The following C1orf56 variants were observed in gnomAD, a reference collection of about 807,000 sequenced individuals.
C1orf56 encodes the protein chromosome 1 open reading frame 56.
A neutral mutation model predicts 20.7 loss-of-function variants in C1orf56; 14 were observed. The observed-to-expected ratio is 0.68, with a 90% CI of 0.45 to 1.06. The LOEUF (loss-of-function observed/expected upper bound fraction) is 1.06. Among genes scored for constraint, C1orf56 ranks in the 50% least tolerant of loss-of-function variants. The pLI, the probability that C1orf56 is intolerant of heterozygous loss-of-function variation, is 0.00. For synonymous variants in C1orf56, 187 were observed against 194.7 expected, an observed-to-expected ratio of 0.96 and a Z score of 0.33; for missense variants, 424 against 451.4, an observed-to-expected ratio of 0.94 and a Z score of 0.55.
In C1orf56 at chr1:151,048,061, G is replaced by A; in HGVS notation, c.214G>A (p.Ala72Thr). The change falls in exon 1 of 2, where the codon GCC (alanine) becomes ACC (threonine). Residue 72 changes from alanine (A) to threonine (T), a missense_variant. Ala to Thr is a moderately conservative substitution (Grantham distance 58, BLOSUM62 0). Coordinates refer to ENST00000368926, the MANE Select transcript of C1orf56 (RefSeq NM_017860.5). The surrounding 1 kb of genome is among the most constrained non-coding windows in gnomAD (Gnocchi z 4.8). ...CCTAGAGGACGAGAATGATGCCATG[G>A]CCGACGCCGACCGCCTGGCTGGACC... ...IILEDENDAM[A>T]DADRLAGPAA... The A allele has an allele frequency of 6.2e-7, 1 of 1,614,088 alleles. No homozygotes were observed. The highest frequency in any genetic ancestry group is 8.5e-7 in the Non-Finnish European group (1 of 1,180,000).
In C1orf56 at chr1:151,048,120, C is replaced by T; in HGVS notation, c.273C>T (p.Ser91=). The stretch of plus-strand genomic sequence containing the variant: ...CCGAGCTCTTGGCCGCCACGGTGTC[C>T]ACCGGCTTTAGCCGGTCGTCCGCCA... ...AAAELLAATV[S]TGFSRSSAIN... The change falls in exon 1 of 2, where the codon TCC becomes TCT. Residue 91 remains serine, a synonymous_variant. Coordinates refer to ENST00000368926, the MANE Select transcript of C1orf56 (RefSeq NM_017860.5). The surrounding 1 kb of genome is among the most constrained non-coding windows in gnomAD (Gnocchi z 4.8). The T allele has an allele frequency of 6.2e-7, 1 of 1,613,448 alleles. No homozygotes were observed. The highest frequency in any genetic ancestry group is 8.5e-7 in the Non-Finnish European group (1 of 1,180,006).
chr1:151,048,385 T>C lies in C1orf56; in HGVS notation c.538T>C (p.Ser180Pro). ...CCTGAGCCAGTGGTCCACACCTGGGTCTACCCCGAGCCGGTGGCCGTCACC... is the reference window on the plus strand; with the variant it reads ...CCTGAGCCAGTGGTCCACACCTGGGCCTACCCCGAGCCGGTGGCCGTCACC... ...ATLSQWSTPG[S>P]TPSRWPSPSP... Residue 180 changes from serine (S) to proline (P), a missense_variant, in exon 1 of 2, where the codon TCT becomes CCT. Transcript: ENST00000368926. The surrounding 1 kb of genome is among the most constrained non-coding windows in gnomAD (Gnocchi z 4.8). 6.2e-7 allele frequency: 1 copy of C among 1,612,628 alleles called. No homozygotes were observed. Among genetic ancestry groups the C allele is most frequent in the South Asian group, 1.1e-5 (1 of 91,082 alleles).
intron 1 of C1orf56, among the ~76,000 whole-genome samples, 159 bp from the exon 2 acceptor site, chr1:151,050,279 G>T (rs1329999367): frequency 6.6e-6 from 1 of 152,190 alleles, no homozygotes; most frequent in African/African-American, 2.4e-5. Flanking sequence ...TTTTCTCCTT[G>T]TGTGTCCAAT....
At chr1:151,049,361 C>T (rs769727535) in intron 1 of C1orf56, among the ~76,000 whole-genome samples, 2 of 151,930 alleles carry the variant, frequency 1.3e-5, no homozygotes, top group African/African-American at 2.4e-5. Flanking sequence ...AAGTGATCCA[C>T]CCGCCTCGGC....
At chr1:151,050,079 C>T (rs1158005846) in intron 1 of C1orf56, among the ~76,000 whole-genome samples, 2 of 152,178 alleles carry the variant, frequency 1.3e-5, no homozygotes, top group Non-Finnish European at 2.9e-5. Flanking sequence ...GACACCAGTG[C>T]CCACTCTCTT....
chr1:151,048,100 C>G lies in C1orf56; in HGVS notation c.253C>G (p.Leu85Val), dbSNP rs868752669. ...DRLAGPAAAELLAATVSTGFS... is the reference protein window; with the variant it reads ...DRLAGPAAAEVLAATVSTGFS... Reference sequence around the variant, plus strand: ...CCTGGCTGGACCAGCGGCTGCCGAGCTCTTGGCCGCCACGGTGTCCACCGG... The same window carrying G: ...CCTGGCTGGACCAGCGGCTGCCGAGGTCTTGGCCGCCACGGTGTCCACCGG... The change falls in exon 1 of 2, where the codon CTC becomes GTC. Residue 85 changes from leucine (L) to valine (V), a missense_variant. Transcript: ENST00000368926. This position sits in a 1 kb window ranked among gnomAD's most constrained non-coding sequence, Gnocchi z 4.8. The G allele has an allele frequency of 6.2e-7, 1 of 1,613,454 alleles. No homozygotes were observed.
rs1196398513 is a variant in C1orf56, at chr1:151,048,617, G to T, written c.770G>T (p.Arg257Leu). The T allele has an allele frequency of 6.2e-7, 1 of 1,614,110 alleles. No individual in the cohort carries two copies. Among genetic ancestry groups the T allele is most frequent in the Non-Finnish European group, 8.5e-7 (1 of 1,180,048 alleles). Residue 257 changes from arginine (R) to leucine (L), a missense_variant, in exon 1 of 2, where the codon CGA (arginine) becomes CTA (leucine). Transcript: ENST00000368926. The surrounding 1 kb of genome is among the most constrained non-coding windows in gnomAD (Gnocchi z 4.8). ...PCTYQQCPCN[R>L]LREECPLDTS... Reference sequence around the variant, plus strand: ...ACCTATCAACAATGTCCCTGCAACCGACTTCGGGAAGAGTGCCCCCTGGAC... The same window carrying T: ...ACCTATCAACAATGTCCCTGCAACCTACTTCGGGAAGAGTGCCCCCTGGAC...
rs1676164636 is a variant in C1orf56 at position 151,050,934 on chromosome 1, T to C, written c.*476T>C. The C allele has an allele frequency of 6.5e-6, 1 of 154,594 alleles. No homozygotes were observed. Among genetic ancestry groups the C allele is most frequent in the African/African-American group, 2.4e-5 (1 of 41,528 alleles). The allele number at this position is 154,594 out of a possible 1,614,324, so 9.6% of individuals were successfully genotyped here. A position where few individuals can be genotyped will look rare whatever the true frequency, so the allele number is the denominator to read the frequency against. On this transcript the variant is annotated 3_prime_UTR_variant, in exon 2 of 2. Transcript: ENST00000368926. ...CTTTCGAGGAGTTATCTTCATTAGC[T>C]ATATCCATCCTTTAATCCAACACAC... is the stretch of plus-strand genomic sequence containing the variant.
At position 151,047,910 on chromosome 1, in the gene C1orf56, G is replaced by A. The variant is rs1391617512; in HGVS notation, c.63G>A (p.Ala21=). The change falls in exon 1 of 2, where the codon GCG becomes GCA. Residue 21 remains alanine (A), a synonymous_variant. Coordinates refer to ENST00000368926, the MANE Select transcript of C1orf56 (RefSeq NM_017860.5). ...TGCTGAATCTGGGTCCCCGGGCGGCGGGGGCCCAAGGCCTGACCCAGACTC... is the reference window on the plus strand; with the variant it reads ...TGCTGAATCTGGGTCCCCGGGCGGCAGGGGCCCAAGGCCTGACCCAGACTC... ...VLLLNLGPRA[A]GAQGLTQTPT... 6.2e-7 allele frequency: 1 copy of A among 1,608,974 alleles called. No individual in the cohort carries two copies. The highest frequency in any genetic ancestry group is 8.5e-7 in the Non-Finnish European group (1 of 1,177,818).
At position 151,048,465 on chromosome 1, in the gene C1orf56, G is replaced by C. The variant is rs1676106793; in HGVS notation, c.618G>C (p.Trp206Cys). 6.2e-7 allele frequency: 1 copy of C among 1,608,312 alleles called. No homozygotes were observed. ...PEDLRLVLMPWGPWHCHCKSG... is the reference protein window; with the variant it reads ...PEDLRLVLMPCGPWHCHCKSG... ...ATCTGCGGCTGGTGCTGATGCCCTG[G>C]GGCCCGTGGCACTGCCACTGCAAGT... Residue 206 changes from tryptophan (W) to cysteine (C), a missense_variant, in exon 1 of 2, where the codon TGG becomes TGC. Trp to Cys is a radical substitution (Grantham distance 215). Transcript: ENST00000368926. This position sits in a 1 kb window ranked among gnomAD's most constrained non-coding sequence, Gnocchi z 4.8.
At chr1:151,050,346 G>A in intron 1 of C1orf56, 92 bp from the exon 2 acceptor site, 1 of 1,268,160 alleles carries the variant, frequency 7.9e-7, no homozygotes, top group Non-Finnish European at 1.1e-6. Context: ...AGGGAATATG[G>A]GTTTGTGGGA....
In C1orf56 at chr1:151,050,685, C is replaced by A. The variant is rs796905960; in HGVS notation, c.*227C>A. ...CTCTGGCTTGTTTTCTACTCCCTGT[C>A]CCTCAGGATAAAATGTTGATATTGC... On this transcript the variant is annotated 3_prime_UTR_variant, in exon 2 of 2. Coordinates refer to ENST00000368926, the MANE Select transcript of C1orf56 (RefSeq NM_017860.5). 5 of 417,658 alleles carry A rather than the reference C, an allele frequency of 1.2e-5. No homozygotes were observed. The highest frequency in any genetic ancestry group is 1.0e-4 in the African/African-American group (5 of 49,138). The allele number at this position is 417,658 out of a possible 1,614,324, so 25.9% of individuals were successfully genotyped here.
rs1239437879 is a variant in C1orf56 at position 151,047,793 on chromosome 1, T to C, written c.-55T>C. The C allele has an allele frequency of 2.5e-5, 37 of 1,462,232 alleles. No homozygotes were observed. The highest frequency in any genetic ancestry group is 2.0e-5 in the Non-Finnish European group (22 of 1,113,198). The allele number at this position is 1,462,232 out of a possible 1,614,324, so 90.6% of individuals were successfully genotyped here. ...TACAGCGGAAGGGAGGGAGCGAAGG[T>C]AGGAGGCAGGGCTTGCCTCACTGGC... On this transcript the variant is annotated 5_prime_UTR_variant, in exon 1 of 2. Coordinates refer to ENST00000368926, the MANE Select transcript of C1orf56 (RefSeq NM_017860.5).
In C1orf56 at chr1:151,050,581, G is replaced by A; in HGVS notation, c.*123G>A. 1.0e-6 allele frequency: 1 copy of A among 1,002,348 alleles called. No homozygotes were observed. Among genetic ancestry groups the A allele is most frequent in the Non-Finnish European group, 1.5e-6 (1 of 675,400 alleles). 62.1% of individuals were successfully genotyped at this position (1,002,348 alleles called of 1,614,324 possible). Reference sequence around the variant, plus strand: ...ACTGGAAAACACATTGTTTGGTCTTGTGTTTCTTTACAGAGGTACCTGAGG... The same window carrying A: ...ACTGGAAAACACATTGTTTGGTCTTATGTTTCTTTACAGAGGTACCTGAGG... On this transcript the variant is annotated 3_prime_UTR_variant, in exon 2 of 2. Coordinates refer to ENST00000368926, the MANE Select transcript of C1orf56 (RefSeq NM_017860.5).
intron 1 of C1orf56, among the ~76,000 whole-genome samples, chr1:151,049,209 G>T (rs1216068813): frequency 1.3e-5 from 2 of 151,576 alleles, no homozygotes; most frequent in Admixed American, 6.6e-5. Flanking sequence ...TGCCTCCCAG[G>T]TTCAAACAAT....
At chr1:151,050,316 A>AG (rs993104981) in intron 1 of C1orf56, 122 bp from the exon 2 acceptor site, 49 of 840,572 alleles carry the variant, frequency 5.8e-5, no homozygotes, top group Admixed American at 1.2e-4. Flanking sequence ...AAAATAAGTA[A>AG]GGGGTGGGCA....
rs780060767 is a variant in C1orf56 at position 151,048,095 on chromosome 1, C to T, written c.248C>T (p.Ala83Val). ...GACCGCCTGGCTGGACCAGCGGCTGCCGAGCTCTTGGCCGCCACGGTGTCC... is the reference window on the plus strand; with the variant it reads ...GACCGCCTGGCTGGACCAGCGGCTGTCGAGCTCTTGGCCGCCACGGTGTCC... Reference protein sequence around the residue: ...DADRLAGPAAAELLAATVSTG... With the variant: ...DADRLAGPAAVELLAATVSTG... Residue 83 changes from alanine to valine, a missense_variant, in exon 1 of 2, where the codon GCC becomes GTC. Ala to Val is a moderately conservative substitution (Grantham distance 64, BLOSUM62 0). Coordinates refer to ENST00000368926, the MANE Select transcript of C1orf56 (RefSeq NM_017860.5). The surrounding 1 kb of genome is among the most constrained non-coding windows in gnomAD (Gnocchi z 4.8). 4 of 1,612,966 alleles carry T rather than the reference C, an allele frequency of 2.5e-6. No individual in the cohort carries two copies. Among genetic ancestry groups the T allele is most frequent in the Non-Finnish European group, 3.4e-6 (4 of 1,179,934 alleles).
At chr1:151,050,214 C>T (rs1676147356) in intron 1 of C1orf56, among the ~76,000 whole-genome samples, 2 of 152,174 alleles carry the variant, frequency 1.3e-5, no homozygotes, top group African/African-American at 4.8e-5. Flanking sequence ...GATGATAGGA[C>T]TTTGAGGAGG....
rs1367940890 is a variant in C1orf56, at chr1:151,048,321, C to T, written c.474C>T (p.Pro158=). The T allele has an allele frequency of 1.2e-6, 2 of 1,614,140 alleles. No individual in the cohort carries two copies. The highest frequency in any genetic ancestry group is 1.7e-5 in the Admixed American group (1 of 60,032). ...IRLTSSLPRS[P]GRSTEDLPGS... is the part of the protein sequence containing the mutation. ...TGACTTCAAGCCTGCCGCGCTCCCC[C>T]GGGAGGTCTACTGAGGACCTGCCAG... Residue 158 remains proline (P), a synonymous_variant, in exon 1 of 2, where the codon CCC becomes CCT. Coordinates refer to ENST00000368926, the MANE Select transcript of C1orf56 (RefSeq NM_017860.5). This position sits in a 1 kb window ranked among gnomAD's most constrained non-coding sequence, Gnocchi z 4.8.
Sources: allele counts gnomAD v4.1 joint callset (sites outside exome capture counted in the v4.1 genomes callset), GRCh38; gene constraint gnomAD v4.1.1; non-coding constraint Gnocchi (gnomAD v3.1); transcripts MANE v1.5; gene names NCBI Gene and HGNC (gene_info 2026-07-23, HGNC 2026-07-21).